The following CCSER2 variants were observed in gnomAD, a reference collection of about 807,000 sequenced individuals.
CCSER2 encodes the protein coiled-coil serine rich protein 2.
CCSER2 carries 46 observed loss-of-function variants against 92.3 expected under a neutral mutation model. The ratio of observed to expected loss-of-function variants is 0.50; its 90% confidence interval spans 0.39 to 0.64. The LOEUF (loss-of-function observed/expected upper bound fraction) is 0.64. CCSER2 is among the 30% of genes least tolerant of loss of function. CCSER2 has a pLI of 0.00. For missense variants in CCSER2, 1,244 were observed against 1,238.9 expected, an observed-to-expected ratio of 1.00 and a Z score of -0.06; for synonymous variants, 433 against 431.4, an observed-to-expected ratio of 1.00 and a Z score of -0.04.
intron 3 of CCSER2, chr10:84,391,502 A>G (rs1841517407): frequency 6.5e-7 from 1 of 1,536,054 alleles, no homozygotes. Flanking sequence ...AGCTGATTTC[A>G]TGCCAATACT....
At chr10:84,336,634 A>AGG (rs1843852394) in intron 1 of CCSER2, among the ~76,000 whole-genome samples, 1 of 152,140 alleles carries the variant, frequency 6.6e-6, no homozygotes, top group Admixed American at 6.6e-5. Context: ...GCAGGCATTG[A>AGG]GGGGAAATGA....
intron 5 of CCSER2, among the ~76,000 whole-genome samples, chr10:84,436,401 C>A (rs1009513985): frequency 1.3e-4 from 18 of 141,914 alleles, no homozygotes; most frequent in African/African-American, 4.7e-4. Flanking sequence ...TTTGGGAGGC[C>A]GAGGCGGGCG....
intron 1 of CCSER2, among the ~76,000 whole-genome samples, chr10:84,355,532 C>T (rs1845120174): frequency 6.6e-6 from 1 of 152,180 alleles, no homozygotes; most frequent in African/African-American, 2.4e-5. Flanking sequence ...ATGTGCTACC[C>T]CATATACTCT....
At chr10:84,437,513 C>CA (rs11312592) in intron 5 of CCSER2, among the ~76,000 whole-genome samples, 42,874 of 147,290 alleles carry the variant, frequency 0.29, 8,062 homozygotes, top group African/African-American at 0.55. Context: ...GACTCTGTCT[C>CA]AAAAAAAAAA....
At chr10:84,495,053 T>C (rs1389575886) in intron 9 of CCSER2, among the ~76,000 whole-genome samples, 1 of 151,916 alleles carries the variant, frequency 6.6e-6, no homozygotes, top group Admixed American at 6.6e-5. Context: ...GACATCAGTT[T>C]AGCTTATTGA....
At position 84,477,675 on chromosome 10, in the gene CCSER2, T is replaced by G. The variant is rs1400830821; in HGVS notation, c.2325+11T>G. 6.7e-7 allele frequency: 1 copy of G among 1,483,826 alleles called. No individual in the cohort carries two copies. Among genetic ancestry groups the G allele is most frequent in the African/African-American group, 1.4e-5 (1 of 72,188 alleles). The allele number at this position is 1,483,826 out of a possible 1,614,324, so 91.9% of individuals were successfully genotyped here. A position where few individuals can be genotyped will look rare whatever the true frequency, so the allele number is the denominator to read the frequency against. On this transcript the variant is annotated intron_variant, in intron 9 of 9. Coordinates refer to ENST00000372088, the MANE Select transcript of CCSER2 (RefSeq NM_001284240.2). ...TGGAGACGAATTCCTGTAAGTAACATTTGCTCTTAGCCTCCTCTCCAGTCA... is the reference window on the plus strand; with the variant it reads ...TGGAGACGAATTCCTGTAAGTAACAGTTGCTCTTAGCCTCCTCTCCAGTCA...
At chr10:84,509,656 C>CTG (rs1408095166) in intron 9 of CCSER2, among the ~76,000 whole-genome samples, 10 of 152,148 alleles carry the variant, frequency 6.6e-5, no homozygotes, top group African/African-American at 2.4e-4. Context: ...CTCTGTAAGT[C>CTG]TGGGGATAGG....
At chr10:84,384,204 G>A (rs773595992) in intron 3 of CCSER2, among the ~76,000 whole-genome samples, 2 of 152,158 alleles carry the variant, frequency 1.3e-5, no homozygotes, top group Admixed American at 6.5e-5. Context: ...ATGCAAGAGA[G>A]CTGGCATCAA....
At chr10:84,485,948 G>A (rs1218092448) in intron 9 of CCSER2, among the ~76,000 whole-genome samples, 1 of 152,090 alleles carries the variant, frequency 6.6e-6, no homozygotes, top group Non-Finnish European at 1.5e-5. Flanking sequence ...CTGTGTCCAA[G>A]TGTTCTCATT....
intron 1 of CCSER2, among the ~76,000 whole-genome samples, chr10:84,334,299 T>A (rs1210310217): frequency 2.0e-5 from 3 of 152,118 alleles, no homozygotes; most frequent in Non-Finnish European, 2.9e-5. Context: ...CCTCTTTGGC[T>A]TCTGACTTCT....
At chr10:84,356,122 GTGT>G (rs1200612624) in intron 1 of CCSER2, among the ~76,000 whole-genome samples, 1 of 149,676 alleles carries the variant, frequency 6.7e-6, no homozygotes, top group Non-Finnish European at 1.5e-5. Context: ...AAAAAAAAAG[GTGT>G]TGTATTAATC....
intron 1 of CCSER2, among the ~76,000 whole-genome samples, chr10:84,343,989 G>C (rs922627200): frequency 2.0e-5 from 3 of 152,200 alleles, no homozygotes; most frequent in African/African-American, 7.2e-5. Flanking sequence ...AGAAGCTCCT[G>C]ATATCAATGT....
chr10:84,347,309 G>A (rs1271543590), intron 1 of CCSER2, among the ~76,000 whole-genome samples: 1 of 152,202 alleles, frequency 6.6e-6, no homozygotes, highest in Admixed American at 6.5e-5. Context: ...CCTAGACGGG[G>A]TGGTGGCCAG....
intron 1 of CCSER2, among the ~76,000 whole-genome samples, chr10:84,364,801 G>C (rs1845695612): frequency 6.7e-6 from 1 of 148,894 alleles, no homozygotes; most frequent in Non-Finnish European, 1.5e-5. Flanking sequence ...TAGTGCAGTG[G>C]TATGATCTCG....
chr10:84,419,581 A>G (rs572332410), intron 4 of CCSER2, among the ~76,000 whole-genome samples: 75 of 152,328 alleles, frequency 4.9e-4, no homozygotes, highest in African/African-American at 1.8e-3. Context: ...GAGAATGAAA[A>G]GTTGAGGACA....
In CCSER2 at chr10:84,372,164, A is replaced by T; in HGVS notation, c.1112A>T (p.Glu371Val). ...ANKDQELIEN[E>V]SYRTKNNQTM... ...AAGGACCAAGAACTGATTGAAAATG[A>T]AAGTTATAGAACAAAAAACAACCAG... The change falls in exon 2 of 10, where the codon GAA (glutamate) becomes GTA (valine). Residue 371 changes from glutamate (E) to valine (V), a missense_variant. By Grantham distance (121) the Glu-to-Val change is moderately radical. Transcript: ENST00000372088. The T allele has an allele frequency of 6.2e-7, 1 of 1,613,608 alleles. No homozygotes were observed. The highest frequency in any genetic ancestry group is 8.5e-7 in the Non-Finnish European group (1 of 1,179,784).
At chr10:84,342,650 G>A (rs1844256594) in intron 1 of CCSER2, among the ~76,000 whole-genome samples, 1 of 152,140 alleles carries the variant, frequency 6.6e-6, no homozygotes, top group Non-Finnish European at 1.5e-5. Flanking sequence ...CTTTCATGCA[G>A]CAAAACCTTC....
chr10:84,465,242 TGTGTGTGTG>T (rs1846328879), intron 7 of CCSER2, among the ~76,000 whole-genome samples: 1 of 582 alleles, frequency 1.7e-3, no homozygotes, highest in East Asian at 0.083. Context: ...CCTGAATTTG[TGTGTGTGTG>T]TGTGTGTGTG....
rs1849533485 is a variant in CCSER2, at chr10:84,514,608, A to G, written c.*341A>G. 4.0e-6 allele frequency: 1 copy of G among 249,890 alleles called. No individual in the cohort carries two copies. Among genetic ancestry groups the G allele is most frequent in the East Asian group, 9.7e-5 (1 of 10,340 alleles). 15.5% of individuals were successfully genotyped at this position (249,890 alleles called of 1,614,324 possible). On this transcript the variant is annotated 3_prime_UTR_variant, in exon 10 of 10. Transcript: ENST00000372088. Reference sequence around the variant, plus strand: ...AAGTGTGCTTTGCTGGTTTAGTCCTATTAAGGTCTGTATTTATTGTGGTTG... The same window carrying G: ...AAGTGTGCTTTGCTGGTTTAGTCCTGTTAAGGTCTGTATTTATTGTGGTTG...
Sources: allele counts gnomAD v4.1 joint callset (sites outside exome capture counted in the v4.1 genomes callset), GRCh38; gene constraint gnomAD v4.1.1; transcripts MANE v1.5; gene names NCBI Gene and HGNC (gene_info 2026-07-23, HGNC 2026-07-21).